The following PRIM2 variants were observed in gnomAD, a reference collection of about 807,000 sequenced individuals.
The protein encoded by PRIM2 is DNA primase subunit 2, also known as DNA primase large subunit.
In PRIM2, 39 loss-of-function variants were observed where a neutral mutation model predicts 67.3. That is an observed-to-expected ratio of 0.58 (90% CI 0.45 to 0.76). PRIM2 has a LOEUF of 0.76. Ranked by LOEUF, PRIM2 falls within the 30% of genes least tolerant of loss-of-function variation. The pLI, the probability that PRIM2 is intolerant of heterozygous loss-of-function variation, is 0.00. For missense variants in PRIM2, 398 were observed against 598.7 expected, an observed-to-expected ratio of 0.66 and a Z score of 3.50; for synonymous variants, 143 against 198.7, an observed-to-expected ratio of 0.72 and a Z score of 2.36.
chr6:57,276,197 C>G, the PRIM2 span, among the ~76,000 whole-genome samples: 1 of 152,084 alleles, frequency 6.6e-6, no homozygotes, highest in South Asian at 2.1e-4. Context: ...CAAGACCAGC[C>G]TGGCCAACAT....
chr6:57,466,186 G>A (rs1174712878), intron 7 of PRIM2, among the ~76,000 whole-genome samples: 2 of 152,146 alleles, frequency 1.3e-5, no homozygotes, highest in African/African-American at 4.8e-5. Flanking sequence ...ATTCCATGGT[G>A]TATATGTGCC....
chr6:57,246,583 G>A, the PRIM2 span, among the ~76,000 whole-genome samples: 1 of 152,152 alleles, frequency 6.6e-6, no homozygotes, highest in African/African-American at 2.4e-5. Flanking sequence ...ACTAATCAGG[G>A]TGTAGGTACT....
chr6:57,521,795 G>A (rs1774629661), intron 8 of PRIM2, among the ~76,000 whole-genome samples: 1 of 152,104 alleles, frequency 6.6e-6, no homozygotes, highest in Non-Finnish European at 1.5e-5. Context: ...ACAAAGAATG[G>A]AAATATGTTT....
At chr6:57,375,933 A>C (rs1167221623) in intron 5 of PRIM2, among the ~76,000 whole-genome samples, 1 of 152,090 alleles carries the variant, frequency 6.6e-6, no homozygotes, top group Non-Finnish European at 1.5e-5. Context: ...ATGGCCAGGC[A>C]TGGTGGCTCA....
chr6:57,231,401 G>T, the PRIM2 span, among the ~76,000 whole-genome samples: 2 of 152,152 alleles, frequency 1.3e-5, no homozygotes, highest in East Asian at 3.9e-4. Flanking sequence ...TACAAATAAT[G>T]ATGCAAAAAC....
At chr6:57,426,554 A>G (rs1771632373) in intron 7 of PRIM2, among the ~76,000 whole-genome samples, 1 of 152,220 alleles carries the variant, frequency 6.6e-6, no homozygotes, top group African/African-American at 2.4e-5. Context: ...TCATCGAGGA[A>G]ATGCAAATTA....
At chr6:57,292,028 T>C in the PRIM2 span, among the ~76,000 whole-genome samples, 1 of 152,166 alleles carries the variant, frequency 6.6e-6, no homozygotes, top group Non-Finnish European at 1.5e-5. Context: ...ATAAAGGGTA[T>C]TCAAATAGGA....
chr6:57,374,711 C>T (rs1245830857), intron 5 of PRIM2, among the ~76,000 whole-genome samples: 1 of 152,094 alleles, frequency 6.6e-6, no homozygotes, highest in Admixed American at 6.6e-5. Flanking sequence ...CTGCCTCAGC[C>T]CACTGAGTAG....
At chr6:57,480,178 C>G (rs1312693200) in intron 7 of PRIM2, among the ~76,000 whole-genome samples, 19 of 152,266 alleles carry the variant, frequency 1.2e-4, no homozygotes, top group African/African-American at 4.6e-4. Context: ...GAGTGTGGAA[C>G]AGTGTGAGGA....
the PRIM2 span, among the ~76,000 whole-genome samples, chr6:57,241,847 T>C: frequency 1.3e-5 from 2 of 148,932 alleles, no homozygotes; most frequent in African/African-American, 5.0e-5. Flanking sequence ...TAATTTTTTG[T>C]ATTTTTAGTA....
intron 7 of PRIM2, among the ~76,000 whole-genome samples, chr6:57,497,891 G>A: frequency 6.6e-6 from 1 of 152,102 alleles, no homozygotes; most frequent in Non-Finnish European, 1.5e-5. Context: ...TGAAACTAGA[G>A]AACAAATTTG....
intron 8 of PRIM2, among the ~76,000 whole-genome samples, chr6:57,508,772 T>C (rs1554347435): frequency 9.9e-5 from 15 of 152,184 alleles, no homozygotes; most frequent in African/African-American, 3.6e-4. Context: ...TTCCTTATTT[T>C]TGAGGTGGGA....
At chr6:57,449,664 C>CT (rs1272535297) in intron 7 of PRIM2, among the ~76,000 whole-genome samples, 7 of 152,104 alleles carry the variant, frequency 4.6e-5, no homozygotes, top group Non-Finnish European at 1.0e-4. Flanking sequence ...GCTTTTCAAG[C>CT]ATTTAAGTGC....
chr6:57,526,745 A>T (rs1223997771), intron 8 of PRIM2, among the ~76,000 whole-genome samples: 2 of 152,144 alleles, frequency 1.3e-5, no homozygotes, highest in East Asian at 3.8e-4. Context: ...AGTATTTTAA[A>T]TGGACAGAAA....
chr6:57,365,996 T>C (rs1396149793), intron 5 of PRIM2, among the ~76,000 whole-genome samples: 2 of 149,630 alleles, frequency 1.3e-5, no homozygotes, highest in Non-Finnish European at 3.0e-5. Context: ...ATAATCGTTA[T>C]GACACATTTA....
the PRIM2 span, among the ~76,000 whole-genome samples, chr6:57,255,355 A>G: frequency 6.6e-6 from 1 of 151,940 alleles, no homozygotes; most frequent in Admixed American, 6.6e-5. Flanking sequence ...AAAATTAGCC[A>G]GGCATGGTGG....
Position 57,318,575 on chromosome 6 carries a change from A to C in PRIM2, c.130A>C (p.Asn44His). The C allele has an allele frequency of 6.4e-7, 1 of 1,573,388 alleles. No homozygotes were observed. Among genetic ancestry groups the C allele is most frequent in the Non-Finnish European group, 8.6e-7 (1 of 1,157,810 alleles). ...AAACATATCTTTAATAGAATTTGAA[A>C]ACTTGGCTATTGATAGAGTTAAATG... is the stretch of plus-strand genomic sequence containing the variant. Reference protein sequence around the residue: ...SENISLIEFENLAIDRVKLLK... With the variant: ...SENISLIEFEHLAIDRVKLLK... Residue 44 changes from asparagine to histidine, a missense_variant, in exon 2 of 14, where the codon AAC becomes CAC. By Grantham distance (68) the Asn-to-His change is moderately conservative. Around this residue, in one of 4 missense-constraint regions of PRIM2, gnomAD observed 96 missense variants for 98.3 expected, o/e 0.98. Coordinates refer to ENST00000615550, the MANE Select transcript of PRIM2 (RefSeq NM_000947.5).
chr6:57,559,672 G>A lies in PRIM2; in HGVS notation c.1020+22047G>A, dbSNP rs1221279212. ...CTGGCATACCTAGAAGATATTGCAG[G>A]TTTTGTTCCAGACCACCACAATAAA... On this transcript the variant is annotated intron_variant, in intron 10 of 13. Coordinates refer to ENST00000615550, the MANE Select transcript of PRIM2 (RefSeq NM_000947.5). 1.1e-4 allele frequency among the ~76,000 whole-genome samples: 17 copies of A among 152,226 alleles called. 1 individual carries two copies. The highest frequency in any genetic ancestry group is 4.1e-4 in the African/African-American group (17 of 41,536).
chr6:57,589,660 G>A (rs1180525355), intron 10 of PRIM2, among the ~76,000 whole-genome samples: 6 of 152,120 alleles, frequency 3.9e-5, no homozygotes, highest in Admixed American at 2.6e-4. Context: ...TTTTGCTCTA[G>A]GGCTGTTTTT....
Sources: allele counts gnomAD v4.1 joint callset (sites outside exome capture counted in the v4.1 genomes callset), GRCh38; gene constraint gnomAD v4.1.1; regional missense constraint gnomAD v4.1.1; transcripts MANE v1.5; gene names NCBI Gene and HGNC (gene_info 2026-07-23, HGNC 2026-07-21).